Variants in BDP1 observed in about 807,000 individuals in gnomAD.
BDP1 encodes the protein transcription factor TFIIIB component B'' homolog.
BDP1 carries 169 observed loss-of-function variants against 266.6 expected under a neutral mutation model. The observed-to-expected ratio is 0.63, with a 90% CI of 0.56 to 0.72. The LOEUF is 0.72. Ranked by LOEUF, BDP1 falls within the 30% of genes least tolerant of loss-of-function variation. The probability of loss-of-function intolerance (pLI) is 0.00; values close to 1 mark genes in which losing one functional copy is unlikely to be tolerated. For missense variants in BDP1, 3,015 were observed against 3,053.8 expected (o/e 0.99, Z 0.30); for synonymous variants, 1,090 against 1,022.4 (o/e 1.07, Z -1.26).
At chr5:71,479,081 T>C (rs1421148265) in intron 7 of BDP1, among the ~76,000 whole-genome samples, 1 of 152,150 alleles carries the variant, frequency 6.6e-6, no homozygotes, top group African/African-American at 2.4e-5. Context: ...CTCGCTCTGT[T>C]GCCCAGGCTG....
chr5:71,558,100 C>T (rs572418286), intron 36 of BDP1, among the ~76,000 whole-genome samples: 13 of 152,286 alleles, frequency 8.5e-5, no homozygotes, highest in Admixed American at 2.6e-4. Context: ...CAAAGTTAGG[C>T]TTATCATTCA....
rs557326937 is a variant in BDP1, at chr5:71,501,872, A to G, written c.2048+219A>G. Among the ~76,000 whole-genome samples, 3 of 152,216 alleles carry G rather than the reference A, an allele frequency of 2.0e-5. No homozygotes were observed. In the East Asian group the frequency reaches 5.8e-4, roughly 29 times the overall value. ...ATGAGTCTATTGAGTTAGCCATTAC[A>G]TTTGAATGTTTACAGTATATGCCCC... is the stretch of plus-strand genomic sequence containing the variant. On this transcript the variant is annotated intron_variant, in intron 14 of 38. Coordinates refer to ENST00000358731, the MANE Select transcript of BDP1 (RefSeq NM_018429.3).
chr5:71,535,424 C>G (rs1016271852), intron 26 of BDP1, among the ~76,000 whole-genome samples: 1 of 151,968 alleles, frequency 6.6e-6, no homozygotes, highest in Non-Finnish European at 1.5e-5. Flanking sequence ...AGGCTGGTCT[C>G]GAACTTCTGA....
At chr5:71,554,655 C>T (rs1271115295) in intron 35 of BDP1, among the ~76,000 whole-genome samples, 2 of 152,028 alleles carry the variant, frequency 1.3e-5, no homozygotes, top group Non-Finnish European at 2.9e-5. Context: ...TATGATACGC[C>T]ATTTAAAAAA....
At position 71,510,818 on chromosome 5, in the gene BDP1, A is replaced by G. The variant is rs1303850565; in HGVS notation, c.3726A>G (p.Ala1242=). Residue 1242 remains alanine, a synonymous_variant, in exon 17 of 39, where the codon GCA becomes GCG. Transcript: ENST00000358731. ...EEISQREKVL[A]EFSAIREKEI... Reference sequence around the variant, plus strand: ...TTTCCCAAAGGGAAAAGGTGCTAGCAGAGTTCAGTGCTATAAGGGAAAAGG... The same window carrying G: ...TTTCCCAAAGGGAAAAGGTGCTAGCGGAGTTCAGTGCTATAAGGGAAAAGG... 2 of 1,613,682 alleles carry G rather than the reference A, an allele frequency of 1.2e-6. No homozygotes were observed. The highest frequency in any genetic ancestry group is 1.7e-6 in the Non-Finnish European group (2 of 1,179,856).
chr5:71,548,178 A>G (rs1447073150), intron 32 of BDP1, among the ~76,000 whole-genome samples: 1 of 151,752 alleles, frequency 6.6e-6, no homozygotes, highest in Non-Finnish European at 1.5e-5. Context: ...ACTCCCAGCT[A>G]CTCAGGAGGT....
rs149543776 is a variant in BDP1, at chr5:71,477,636, T to C, written c.1015-6206T>C. On this transcript the variant is annotated intron_variant, in intron 7 of 38. Transcript: ENST00000358731. Reference sequence around the variant, plus strand: ...AGACAAATTTTTTCTTTTTTTTTTTTGATATAGGGTCTCACTCTCTGTTGC... The same window carrying C: ...AGACAAATTTTTTCTTTTTTTTTTTCGATATAGGGTCTCACTCTCTGTTGC... Among the ~76,000 whole-genome samples the C allele has an allele frequency of 2.0e-5, 3 of 151,670 alleles. No individual in the cohort carries two copies. In the East Asian group the frequency reaches 5.8e-4, roughly 29 times the overall value.
chr5:71,544,265 G>A (rs1247982901), intron 30 of BDP1, 92 bp from the exon 31 acceptor site: 21 of 1,204,546 alleles, frequency 1.7e-5, no homozygotes, highest in Middle Eastern at 2.9e-4. Flanking sequence ...TCACTATATA[G>A]GAATCTTCCT....
At chr5:71,556,289 G>A (rs1743209670) in intron 35 of BDP1, among the ~76,000 whole-genome samples, 1 of 151,934 alleles carries the variant, frequency 6.6e-6, no homozygotes, top group African/African-American at 2.4e-5. Flanking sequence ...TGTAATTATA[G>A]TGGCTAATAT....
chr5:71,568,881 A>G (rs1470896413), downstream of BDP1, among the ~76,000 whole-genome samples: 4 of 152,242 alleles, frequency 2.6e-5, no homozygotes, highest in African/African-American at 9.6e-5. Flanking sequence ...GAGGGTATTC[A>G]TATCACTCTG....
At chr5:71,576,047 A>G in the BDP1 span, among the ~76,000 whole-genome samples, 5 of 152,178 alleles carry the variant, frequency 3.3e-5, no homozygotes. Context: ...CAACCCCCAT[A>G]ACCTGGGACA....
chr5:71,462,898 C>G (rs1356507084), intron 3 of BDP1, among the ~76,000 whole-genome samples: 2 of 152,054 alleles, frequency 1.3e-5, no homozygotes, highest in Non-Finnish European at 2.9e-5. Context: ...TTTAGGAGGC[C>G]AAGGCGAGAG....
At chr5:71,462,877 A>G (rs1251794039) in intron 3 of BDP1, among the ~76,000 whole-genome samples, 2 of 152,166 alleles carry the variant, frequency 1.3e-5, no homozygotes, top group Non-Finnish European at 2.9e-5. Flanking sequence ...TCATCCCTGT[A>G]ATCACAGCAT....
chr5:71,498,445 A>G lies in BDP1; in HGVS notation c.1956+1019A>G, dbSNP rs548273133. 2.0e-5 allele frequency among the ~76,000 whole-genome samples: 3 copies of G among 148,972 alleles called. No homozygotes were observed. The South Asian group carries it at 6.4e-4, about 32-fold the overall frequency. On this transcript the variant is annotated intron_variant, in intron 13 of 38. Transcript: ENST00000358731. ...TTCTTTATTTCTTTTTTTTTTTGAGATGGAGTCTTGCTCTGTTGCCCAGGC... is the reference window on the plus strand; with the variant it reads ...TTCTTTATTTCTTTTTTTTTTTGAGGTGGAGTCTTGCTCTGTTGCCCAGGC...
chr5:71,566,051 CTA>C lies in BDP1; in HGVS notation c.*1167_*1168del. 1 of 208,292 alleles carries C rather than the reference CTA, an allele frequency of 4.8e-6. No individual in the cohort carries two copies. The highest frequency in any genetic ancestry group is 5.5e-5 in the South Asian group (1 of 18,058). 12.9% of individuals were successfully genotyped at this position (208,292 alleles called of 1,614,324 possible). A position where few individuals can be genotyped will look rare whatever the true frequency, so the allele number is the denominator to read the frequency against. On this transcript the variant is annotated 3_prime_UTR_variant, in exon 39 of 39. Transcript: ENST00000358731. ...TTTAAAGATATTTAAAATGATATAA[CTA>C]AAAATGTTTAGCTGGTGTATATGTT...
intron 7 of BDP1, among the ~76,000 whole-genome samples, chr5:71,479,882 A>G (rs1169223224): frequency 1.3e-5 from 2 of 151,266 alleles, no homozygotes; most frequent in African/African-American, 2.4e-5. Flanking sequence ...ACATTTTCCT[A>G]TCTTTTCTCA....
At chr5:71,486,652 A>G in intron 9 of BDP1, 25 bp downstream of exon 9, 17 of 1,491,132 alleles carry the variant, frequency 1.1e-5, no homozygotes, top group Middle Eastern at 2.5e-4. Context: ...AGGAAGTGTG[A>G]TAGTTTACTT....
intron 26 of BDP1, among the ~76,000 whole-genome samples, chr5:71,536,424 CA>C (rs1418363735): frequency 3.2e-4 from 49 of 152,122 alleles, no homozygotes; most frequent in Non-Finnish European, 5.6e-4. Context: ...TTTCACAGCA[CA>C]TTAACAAAAT....
intron 22 of BDP1, among the ~76,000 whole-genome samples, chr5:71,521,621 A>T (rs1396815573): frequency 6.6e-6 from 1 of 152,076 alleles, no homozygotes; most frequent in East Asian, 1.9e-4. Flanking sequence ...CCTAATTCAG[A>T]TCTTTGCCAG....
Sources: allele counts gnomAD v4.1 joint callset (sites outside exome capture counted in the v4.1 genomes callset), GRCh38; gene constraint gnomAD v4.1.1; transcripts MANE v1.5; gene names NCBI Gene and HGNC (gene_info 2026-07-23, HGNC 2026-07-21).